DDC: variants seen among roughly 807,000 people sequenced by gnomAD.
The protein encoded by DDC is dopa decarboxylase.
In DDC, 43 loss-of-function variants were observed where a neutral mutation model predicts 60.0. The ratio of observed to expected loss-of-function variants is 0.72; its 90% confidence interval spans 0.56 to 0.92. DDC has a LOEUF of 0.92. Ranked by LOEUF, DDC falls within the 40% of genes least tolerant of loss-of-function variation. The pLI, the probability that DDC is intolerant of heterozygous loss-of-function variation, is 0.00. For synonymous variants in DDC, 232 were observed against 234.6 expected (o/e 0.99, Z 0.10); for missense variants, 573 against 620.2 (o/e 0.92, Z 0.81).
intron 6 of DDC, among the ~76,000 whole-genome samples, chr7:50,517,283 T>C (rs2153543191): frequency 6.6e-6 from 1 of 152,246 alleles, no homozygotes; most frequent in Admixed American, 6.5e-5. Context: ...AGTAAATAAA[T>C]GTGATACACC....
At chr7:50,543,787 A>T in intron 2 of DDC, 98 bp downstream of exon 2, 1 of 1,201,236 alleles carries the variant, frequency 8.3e-7, no homozygotes, top group Non-Finnish European at 1.2e-6. Flanking sequence ...TGACTGCCAT[A>T]GGGATTCCTT....
chr7:50,479,505 A>G (rs2042720270), intron 10 of DDC, among the ~76,000 whole-genome samples: 1 of 152,180 alleles, frequency 6.6e-6, no homozygotes, highest in Non-Finnish European at 1.5e-5. Flanking sequence ...CCCATATTAA[A>G]ATCCCATGGC....
At chr7:50,548,290 A>G (rs1336464945) in intron 1 of DDC, among the ~76,000 whole-genome samples, 1 of 152,232 alleles carries the variant, frequency 6.6e-6, no homozygotes. Context: ...ACTTTAAATC[A>G]AAAGCTAGAA....
At chr7:50,509,472 G>A (rs1186678539) in intron 6 of DDC, among the ~76,000 whole-genome samples, 2 of 151,938 alleles carry the variant, frequency 1.3e-5, no homozygotes, top group East Asian at 3.8e-4. Flanking sequence ...CATCTCCCTC[G>A]GCCCAACTTG....
intron 13 of DDC, among the ~76,000 whole-genome samples, chr7:50,466,493 GA>G (rs57396757): frequency 0.17 from 11,027 of 63,876 alleles, 283 homozygotes; most frequent in Middle Eastern, 0.26. Flanking sequence ...TCTCCAAAAA[GA>G]AAAAAAAAAA....
intron 2 of DDC, 197 bp from the exon 3 acceptor site, chr7:50,540,225 C>G (rs2044579748): frequency 3.3e-6 from 2 of 607,714 alleles, no homozygotes. Flanking sequence ...ACCTTACTGT[C>G]CCCACTCCCT....
intron 8 of DDC, among the ~76,000 whole-genome samples, chr7:50,497,085 C>T (rs568883764): frequency 1.3e-5 from 2 of 152,200 alleles, no homozygotes; most frequent in Non-Finnish European, 2.9e-5. Flanking sequence ...TTAAACTTCT[C>T]TCATTACCCA....
At chr7:50,503,242 A>G (rs1360005637) in intron 7 of DDC, among the ~76,000 whole-genome samples, 2 of 152,246 alleles carry the variant, frequency 1.3e-5, no homozygotes, top group African/African-American at 4.8e-5. Flanking sequence ...TTCCCATCCT[A>G]GAGGGACAGA....
intron 4 of DDC, among the ~76,000 whole-genome samples, chr7:50,534,017 A>G (rs944793155): frequency 8.5e-5 from 13 of 152,246 alleles, no homozygotes; most frequent in Admixed American, 8.5e-4. Flanking sequence ...GCTTTTATTG[A>G]GTGCAAGCAC....
At chr7:50,561,784 G>C (rs1472664004) in intron 1 of DDC, among the ~76,000 whole-genome samples, 2 of 152,148 alleles carry the variant, frequency 1.3e-5, no homozygotes, top group African/African-American at 2.4e-5. Flanking sequence ...GCTTTGCAGA[G>C]GAGGAAGAGT....
At chr7:50,476,345 C>G (rs1158043791) in intron 11 of DDC, among the ~76,000 whole-genome samples, 2 of 152,214 alleles carry the variant, frequency 1.3e-5, no homozygotes, top group Non-Finnish European at 2.9e-5. Flanking sequence ...GGGCCTTTTC[C>G]TTCCAGAGGA....
chr7:50,528,293 C>CT lies in DDC; in HGVS notation c.571-14_571-13insA. 6.2e-7 allele frequency: 1 copy of CT among 1,613,924 alleles called. No homozygotes were observed. The highest frequency in any genetic ancestry group is 8.5e-7 in the Non-Finnish European group (1 of 1,179,912). ...CTGAGGAGTGTGCCTGGAAAGAAGACAGCAGAGTTGGATTTGTACAGGTGT... is the reference window on the plus strand; with the variant it reads ...CTGAGGAGTGTGCCTGGAAAGAAGACTAGCAGAGTTGGATTTGTACAGGTGT... On this transcript the variant is annotated splice_polypyrimidine_tract_variant and intron_variant, in intron 5 of 14. Transcript: ENST00000444124.
chr7:50,487,125 A>G (rs990438436), intron 9 of DDC, among the ~76,000 whole-genome samples: 2 of 152,246 alleles, frequency 1.3e-5, no homozygotes, highest in African/African-American at 2.4e-5. Flanking sequence ...CAGATATGTC[A>G]TGTGGAAATA....
Position 50,479,737 on chromosome 7 carries a change from G to T in DDC, c.1021+50C>A, listed in dbSNP as rs576576188. The T allele has an allele frequency of 6.7e-5, 103 of 1,531,456 alleles. 1 individual carries two copies. Among genetic ancestry groups the T allele is most frequent in the Admixed American group, 5.2e-4 (31 of 59,942 alleles). The allele number at this position is 1,531,456 out of a possible 1,614,324, so 94.9% of individuals were successfully genotyped here. ...TCCCAGGGACCTCCAGGGCAGCTCT[G>T]AGGGGAACAAGACCAGAAACAGTCC... On this transcript the variant is annotated intron_variant, in intron 10 of 14. Transcript: ENST00000444124.
intron 11 of DDC, 57 bp downstream of exon 11, chr7:50,476,567 G>A (rs2042648840): frequency 1.4e-6 from 2 of 1,411,392 alleles, no homozygotes; most frequent in Non-Finnish European, 1.9e-6. Context: ...GACAGCTGTG[G>A]CGTAGCCCCC....
chr7:50,525,897 T>TA (rs764917817), intron 6 of DDC, among the ~76,000 whole-genome samples: 43 of 145,072 alleles, frequency 3.0e-4, no homozygotes, highest in African/African-American at 3.5e-4. Context: ...GCATGGAGAT[T>TA]AAAAAAAAAA....
chr7:50,462,830 C>T (rs1438850071), intron 14 of DDC, among the ~76,000 whole-genome samples: 7 of 136,456 alleles, frequency 5.1e-5, no homozygotes, highest in African/African-American at 1.4e-4. Context: ...AACGCAGTGG[C>T]GCGATCTCGG....
At chr7:50,497,070 T>A (rs1344296295) in intron 8 of DDC, among the ~76,000 whole-genome samples, 2 of 152,214 alleles carry the variant, frequency 1.3e-5, no homozygotes, top group Non-Finnish European at 2.9e-5. Flanking sequence ...ATGGGGCTGA[T>A]CTGTTTAAAC....
chr7:50,530,309 C>A (rs921641172), intron 4 of DDC, among the ~76,000 whole-genome samples: 3 of 151,950 alleles, frequency 2.0e-5, no homozygotes, highest in Admixed American at 2.0e-4. Flanking sequence ...CATGTGGGTG[C>A]ACAGAGGGAA....
Sources: allele counts gnomAD v4.1 joint callset (sites outside exome capture counted in the v4.1 genomes callset), GRCh38; gene constraint gnomAD v4.1.1; transcripts MANE v1.5; gene names NCBI Gene and HGNC (gene_info 2026-07-23, HGNC 2026-07-21).